The following SCN8A variants were observed in gnomAD, a reference collection of about 807,000 sequenced individuals.
The protein encoded by SCN8A is sodium voltage-gated channel alpha subunit 8.
A neutral mutation model predicts 184.1 loss-of-function variants in SCN8A; 30 were observed. The ratio of observed to expected loss-of-function variants is 0.16; its 90% CI spans 0.12 to 0.22. The LOEUF is 0.22. Among genes scored for constraint, SCN8A ranks in the 10% least tolerant of loss-of-function variants. SCN8A has a pLI of 1.00. For missense variants in SCN8A, 1,057 were observed against 2,498.9 expected (o/e 0.42, Z 12.30); for synonymous variants, 852 against 907.0 (o/e 0.94, Z 1.09).
chr12:51,762,477 C>G (rs1444439514), intron 14 of SCN8A, 26 bp from the exon 15 acceptor site: 1 of 1,605,444 alleles, frequency 6.2e-7, no homozygotes. Context: ...ATTTATTTTT[C>G]TTACCCCCTG....
At position 51,770,570 on chromosome 12, in the gene SCN8A, G is replaced by C; in HGVS notation, c.3532G>C (p.Glu1178Gln). ...CAAGTGCTGCCAGGTCAACATCGAG[G>C]AAGGGCTAGGCAAGTCTTGGTGGAT... ...RFKCCQVNIE[E>Q]GLGKSWWILR... is the part of the protein sequence containing the mutation. The change falls in exon 19 of 27, where the codon GAA (glutamate) becomes CAA (glutamine). Residue 1178 changes from glutamate to glutamine, a missense_variant. Around this residue, in one of 19 missense-constraint regions of SCN8A, gnomAD observed 178 missense variants for 259.6 expected, o/e 0.69. Coordinates refer to ENST00000627620, the MANE Select transcript of SCN8A (RefSeq NM_001330260.2). 6.2e-7 allele frequency: 1 copy of C among 1,613,560 alleles called. No homozygotes were observed. Among genetic ancestry groups the C allele is most frequent in the East Asian group, 2.2e-5 (1 of 44,882 alleles).
At chr12:51,668,376 C>T (rs1364812298) in intron 2 of SCN8A, among the ~76,000 whole-genome samples, 1 of 152,062 alleles carries the variant, frequency 6.6e-6, no homozygotes, top group Non-Finnish European at 1.5e-5. Context: ...TTGTCAAAAG[C>T]CCACACCACT....
At chr12:51,798,093 A>G (rs763912609) in intron 26 of SCN8A, among the ~76,000 whole-genome samples, 1 of 152,162 alleles carries the variant, frequency 6.6e-6, no homozygotes, top group Non-Finnish European at 1.5e-5. Flanking sequence ...CTTCTGGAGA[A>G]CTTTGCCCCA....
At chr12:51,721,135 A>G (rs1942053020) in intron 11 of SCN8A, among the ~76,000 whole-genome samples, 1 of 136,352 alleles carries the variant, frequency 7.3e-6, no homozygotes, top group African/African-American at 2.7e-5. Flanking sequence ...TATATATAAT[A>G]TTTATTTATT....
chr12:51,778,850 C>T (rs1937795659), intron 20 of SCN8A, among the ~76,000 whole-genome samples: 1 of 152,090 alleles, frequency 6.6e-6, no homozygotes, highest in African/African-American at 2.4e-5. Flanking sequence ...GCAACCACCA[C>T]TTCCCAGTAG....
intron 1 of SCN8A, among the ~76,000 whole-genome samples, chr12:51,608,014 C>A (rs925723117): frequency 7.0e-6 from 1 of 143,062 alleles, no homozygotes; most frequent in African/African-American, 2.5e-5. Context: ...ACCAATTTTT[C>A]TTTTTCCTTT....
At chr12:51,790,370 T>G (rs748574361) in intron 24 of SCN8A, 28 bp from the exon 25 acceptor site, 1 of 1,524,886 alleles carries the variant, frequency 6.6e-7, no homozygotes, top group East Asian at 2.3e-5. Context: ...CCAGTTGTAA[T>G]TGTCTGTTTT....
chr12:51,765,112 G>A (rs1431692704), intron 15 of SCN8A, among the ~76,000 whole-genome samples: 1 of 152,008 alleles, frequency 6.6e-6, no homozygotes, highest in Non-Finnish European at 1.5e-5. Context: ...GATGTATGTG[G>A]AACTGCCCCT....
intron 19 of SCN8A, among the ~76,000 whole-genome samples, chr12:51,771,764 A>C (rs1175073852): frequency 2.6e-5 from 4 of 152,156 alleles, no homozygotes; most frequent in Non-Finnish European, 4.4e-5. Flanking sequence ...TTCACACAAC[A>C]CTTCCTGAGG....
chr12:51,730,702 A>T (rs889989507), intron 12 of SCN8A, among the ~76,000 whole-genome samples: 1 of 152,222 alleles, frequency 6.6e-6, no homozygotes, highest in Non-Finnish European at 1.5e-5. Flanking sequence ...TTTGTATTAC[A>T]AACAATCCAG....
chr12:51,659,704 G>A (rs1167453160), intron 1 of SCN8A, among the ~76,000 whole-genome samples: 3 of 152,116 alleles, frequency 2.0e-5, no homozygotes, highest in Admixed American at 6.6e-5. Flanking sequence ...TGGTCCACTA[G>A]TGGGGAGACT....
chr12:51,759,707 A>G (rs1026470518), intron 14 of SCN8A, among the ~76,000 whole-genome samples: 1 of 152,226 alleles, frequency 6.6e-6, no homozygotes, highest in African/African-American at 2.4e-5. Flanking sequence ...ACTGCTGCAT[A>G]AGAACATAAA....
intron 1 of SCN8A, among the ~76,000 whole-genome samples, chr12:51,652,316 T>G (rs865878276): frequency 2.6e-5 from 4 of 152,182 alleles, no homozygotes; most frequent in Admixed American, 1.3e-4. Flanking sequence ...GCTGCCTGGC[T>G]TAGGCTGTCA....
intron 13 of SCN8A, among the ~76,000 whole-genome samples, chr12:51,750,495 G>A (rs1424530884): frequency 1.3e-5 from 2 of 152,184 alleles, no homozygotes; most frequent in Non-Finnish European, 2.9e-5. Flanking sequence ...AAGGTGAAAA[G>A]GGGAGAGGAG....
At chr12:51,725,500 G>T (rs1235717110) in intron 12 of SCN8A, among the ~76,000 whole-genome samples, 2 of 152,100 alleles carry the variant, frequency 1.3e-5, no homozygotes, top group African/African-American at 4.8e-5. Context: ...ACTATGCTGA[G>T]CATTTTATAT....
intron 25 of SCN8A, among the ~76,000 whole-genome samples, chr12:51,791,382 G>A (rs888858231): frequency 6.6e-6 from 1 of 152,234 alleles, no homozygotes; most frequent in Middle Eastern, 3.4e-3. Context: ...AACTTTTGAA[G>A]GAAAAGAAAT....
intron 11 of SCN8A, among the ~76,000 whole-genome samples, chr12:51,709,345 G>T (rs1941835140): frequency 6.6e-6 from 1 of 152,202 alleles, no homozygotes; most frequent in Admixed American, 6.5e-5. Context: ...GAATGTGTCA[G>T]TTGGAAGAAT....
intron 12 of SCN8A, among the ~76,000 whole-genome samples, chr12:51,734,190 T>C (rs114254080): frequency 0.017 from 2,578 of 152,274 alleles, 62 homozygotes; most frequent in African/African-American, 0.058. Flanking sequence ...TTTTTTGATG[T>C]CAGTGCTGCT....
intron 2 of SCN8A, among the ~76,000 whole-genome samples, chr12:51,667,333 A>G (rs1294639291): frequency 6.6e-6 from 1 of 151,738 alleles, no homozygotes; most frequent in East Asian, 1.9e-4. Context: ...TCTTAAACCT[A>G]TTGAAGTCTT....
Sources: allele counts gnomAD v4.1 joint callset (sites outside exome capture counted in the v4.1 genomes callset), GRCh38; gene constraint gnomAD v4.1.1; regional missense constraint gnomAD v4.1.1; transcripts MANE v1.5; gene names NCBI Gene and HGNC (gene_info 2026-07-23, HGNC 2026-07-21).